The following STX3 variants were observed in gnomAD, a reference collection of about 807,000 sequenced individuals.
The protein encoded by STX3 is syntaxin 3, also known as syntaxin-3.
Under a neutral mutation model 40.2 loss-of-function variants are expected in STX3, and 19 were observed. That is an observed-to-expected ratio of 0.47 (90% confidence interval 0.33 to 0.69). The LOEUF is 0.69. Among genes scored for constraint, STX3 ranks in the 30% least tolerant of loss-of-function variants. The probability of loss-of-function intolerance (pLI) is 0.02; values close to 1 mark genes in which losing one functional copy is unlikely to be tolerated. For synonymous variants in STX3, 122 were observed against 132.2 expected, an observed-to-expected ratio of 0.92 and a Z score of 0.53; for missense variants, 364 against 366.7, an observed-to-expected ratio of 0.99 and a Z score of 0.06.
chr11:59,801,287 G>T lies in STX3; in HGVS notation c.*463G>T. ...ATTCTTCTAAGTTTGGCAACAAGAA[G>T]GCTTGGATCTGAGTCTTCTACCTGG... On this transcript the variant is annotated 3_prime_UTR_variant, in exon 11 of 11. Coordinates refer to ENST00000337979, the MANE Select transcript of STX3 (RefSeq NM_004177.5). The T allele has an allele frequency of 2.0e-6, 2 of 1,003,774 alleles. No homozygotes were observed. Among genetic ancestry groups the T allele is most frequent in the Non-Finnish European group, 1.2e-6 (1 of 841,100 alleles). The allele number at this position is 1,003,774 out of a possible 1,614,324, so 62.2% of individuals were successfully genotyped here.
rs201820174 is a variant in STX3 at position 59,787,097 on chromosome 11, C to G, written c.175C>G (p.Leu59Val). 2 of 1,614,152 alleles carry G rather than the reference C, an allele frequency of 1.2e-6. No individual in the cohort carries two copies. The highest frequency in any genetic ancestry group is 1.7e-6 in the Non-Finnish European group (2 of 1,180,018). The change falls in exon 3 of 11, where the codon CTC becomes GTC. Residue 59 changes from leucine to valine, a missense_variant. Transcript: ENST00000337979. ...AGAACATGTAGAGGAGGCTAAGAAA[C>G]TCTACAGTATCATTCTCTCTGCACC... Reference protein sequence around the residue: ...ISEHVEEAKKLYSIILSAPIP... With the variant: ...ISEHVEEAKKVYSIILSAPIP...
Position 59,788,880 on chromosome 11 carries a change from G to C in STX3, c.222G>C (p.Lys74Asn), listed in dbSNP as rs1159874184. The C allele has an allele frequency of 6.2e-7, 1 of 1,612,070 alleles. No individual in the cohort carries two copies. The highest frequency in any genetic ancestry group is 8.5e-7 in the Non-Finnish European group (1 of 1,179,068). Residue 74 changes from lysine to asparagine, a missense_variant, in exon 4 of 11, where the codon AAG becomes AAC. Transcript: ENST00000337979. ...LSAPIPEPKT[K>N]DDLEQLTTEI... ...CTGCCTTTATTTACCCAGAAACCAA[G>C]GATGACCTAGAGCAGCTCACGACTG...
In STX3 at chr11:59,797,467, A is replaced by G. The variant is rs1865591997; in HGVS notation, c.*30+71A>G. 4.4e-6 allele frequency: 5 copies of G among 1,148,244 alleles called. No homozygotes were observed. In the African/African-American group the frequency reaches 6.2e-5, roughly 14 times the overall value. The allele number at this position is 1,148,244 out of a possible 1,614,324, so 71.1% of individuals were successfully genotyped here. A position where few individuals can be genotyped will look rare whatever the true frequency, so the allele number is the denominator to read the frequency against. On this transcript the variant is annotated intron_variant, in intron 10 of 10. Coordinates refer to ENST00000337979, the MANE Select transcript of STX3 (RefSeq NM_004177.5). Reference sequence around the variant, plus strand: ...AGAGGAAATTAGCTTGGGATTTCAAATTCCTCTTCTTTCCCCCTATGATTG... The same window carrying G: ...AGAGGAAATTAGCTTGGGATTTCAAGTTCCTCTTCTTTCCCCCTATGATTG...
intron 10 of STX3, among the ~76,000 whole-genome samples, chr11:59,798,670 C>A (rs1865680936): frequency 6.6e-6 from 1 of 151,952 alleles, no homozygotes; most frequent in Non-Finnish European, 1.5e-5. Context: ...TAGGTGCCTG[C>A]CACCACGCCC....
intron 7 of STX3, 73 bp downstream of exon 7, chr11:59,793,245 C>T: frequency 6.2e-7 from 1 of 1,607,334 alleles, no homozygotes; most frequent in Non-Finnish European, 8.5e-7. Context: ...TCATGCAGTC[C>T]AGCAGGTGGA....
At position 59,802,791 on chromosome 11, in the gene STX3, C is replaced by A; in HGVS notation, c.*1967C>A. On this transcript the variant is annotated 3_prime_UTR_variant, in exon 11 of 11. Transcript: ENST00000337979. Reference sequence around the variant, plus strand: ...TTTATTCAGGTTTTAGAATGCAGTTCACACCTTTTTAAGCCATGTGCTGGA... The same window carrying A: ...TTTATTCAGGTTTTAGAATGCAGTTAACACCTTTTTAAGCCATGTGCTGGA... The A allele has an allele frequency of 1.0e-6, 1 of 987,030 alleles. No individual in the cohort carries two copies. The highest frequency in any genetic ancestry group is 1.2e-6 in the Non-Finnish European group (1 of 831,038). The allele number at this position is 987,030 out of a possible 1,614,324, so 61.1% of individuals were successfully genotyped here.
In STX3 at chr11:59,802,251, C is replaced by A. The variant is rs1031064487; in HGVS notation, c.*1427C>A. On this transcript the variant is annotated 3_prime_UTR_variant, in exon 11 of 11. Coordinates refer to ENST00000337979, the MANE Select transcript of STX3 (RefSeq NM_004177.5). ...TTATCATGGAAACAGCAGCAGCAGC[C>A]GCTAGGAAATCTTCAAGTGTAGTGT... is the stretch of plus-strand genomic sequence containing the variant. 1.0e-6 allele frequency: 1 copy of A among 985,352 alleles called. No homozygotes were observed. The highest frequency in any genetic ancestry group is 1.7e-5 in the African/African-American group (1 of 57,238). The allele number at this position is 985,352 out of a possible 1,614,324, so 61.0% of individuals were successfully genotyped here.
chr11:59,789,158 A>G, intron 4 of STX3: 2 of 429,636 alleles, frequency 4.7e-6, no homozygotes, highest in Non-Finnish European at 8.5e-6. Context: ...GAAAGAGTCC[A>G]GAATTGAAGC....
intron 10 of STX3, chr11:59,799,630 C>T: frequency 3.0e-6 from 3 of 984,126 alleles, no homozygotes; most frequent in Non-Finnish European, 3.6e-6. Flanking sequence ...CACATAATAC[C>T]ATGCCAGTAC....
Position 59,795,360 on chromosome 11 carries a change from T to C in STX3, c.676-12T>C. On this transcript the variant is annotated splice_polypyrimidine_tract_variant and intron_variant, in intron 8 of 10. Coordinates refer to ENST00000337979, the MANE Select transcript of STX3 (RefSeq NM_004177.5). ...ACGTTTACTTGGTGTGATCAGAGTC[T>C]GTTCTTTGCAGGGTGAGATGTTAGA... 7 of 1,607,428 alleles carry C rather than the reference T, an allele frequency of 4.4e-6. No homozygotes were observed. Among genetic ancestry groups the C allele is most frequent in the Non-Finnish European group, 6.0e-6 (7 of 1,175,840 alleles).
At chr11:59,773,925 G>A (rs1412145102) in intron 2 of STX3, among the ~76,000 whole-genome samples, 4 of 142,404 alleles carry the variant, frequency 2.8e-5, no homozygotes, top group African/African-American at 1.0e-4. Context: ...AGCCGAGATC[G>A]CACCACTGCA....
chr11:59,759,267 G>T (rs1463807649), intron 1 of STX3, among the ~76,000 whole-genome samples: 3 of 152,248 alleles, frequency 2.0e-5, no homozygotes, highest in East Asian at 3.9e-4. Flanking sequence ...AGAAAGGCAA[G>T]GATCCTAGAT....
At chr11:59,800,016 A>G in intron 10 of STX3, 1 of 985,440 alleles carries the variant, frequency 1.0e-6, no homozygotes, top group Non-Finnish European at 1.2e-6. Flanking sequence ...TCTATTCCTA[A>G]TTCCAGGACT....
intron 9 of STX3, 145 bp downstream of exon 9, chr11:59,795,627 A>AC (rs1329061316): frequency 1.9e-6 from 3 of 1,539,428 alleles, no homozygotes; most frequent in Non-Finnish European, 2.6e-6. Context: ...CGTATTGAGA[A>AC]CAACATGGAC....
At chr11:59,781,586 G>T in intron 2 of STX3, 3 of 1,613,818 alleles carry the variant, frequency 1.9e-6, no homozygotes, top group Non-Finnish European at 2.5e-6. Flanking sequence ...CATCACAAGT[G>T]ATGATACAAT....
At chr11:59,773,545 A>G (rs1036295243) in intron 2 of STX3, among the ~76,000 whole-genome samples, 5 of 152,200 alleles carry the variant, frequency 3.3e-5, no homozygotes, top group African/African-American at 1.2e-4. Flanking sequence ...TTAAAATCTT[A>G]CTCCGTATGA....
chr11:59,764,445 G>A (rs1863188314), intron 1 of STX3, among the ~76,000 whole-genome samples: 1 of 152,184 alleles, frequency 6.6e-6, no homozygotes, highest in African/African-American at 2.4e-5. Context: ...ATCTGTTTAA[G>A]ACCATATAGC....
At chr11:59,779,157 G>A (rs1354066687) in intron 2 of STX3, among the ~76,000 whole-genome samples, 1 of 152,208 alleles carries the variant, frequency 6.6e-6, no homozygotes, top group East Asian at 1.9e-4. Context: ...TTTTTTGAAT[G>A]CTGTCTTAGT....
At chr11:59,760,056 G>A (rs980742155) in intron 1 of STX3, among the ~76,000 whole-genome samples, 2 of 152,186 alleles carry the variant, frequency 1.3e-5, no homozygotes, top group African/African-American at 4.8e-5. Context: ...TGGAAGAGCT[G>A]TTTTTCTGTG....
Sources: gnomAD v4.1 joint callset for allele counts (sites outside exome capture counted in the v4.1 genomes callset) on GRCh38, gnomAD v4.1.1 for gene constraint, MANE v1.5 for transcripts, NCBI Gene and HGNC (gene_info 2026-07-23, HGNC 2026-07-21) for gene names.